RCOR1: variants seen among roughly 807,000 people sequenced by gnomAD.
RCOR1 encodes the protein REST corepressor.
Under a neutral mutation model 64.0 loss-of-function variants are expected in RCOR1, and 12 were observed. That is an observed-to-expected ratio of 0.19 (90% CI 0.12 to 0.30). The LOEUF is 0.30. RCOR1 is among the 10% of genes least tolerant of loss of function. RCOR1 has a pLI of 1.00. For synonymous variants in RCOR1, 279 were observed against 227.2 expected (o/e 1.23, Z -2.05); for missense variants, 502 against 621.2 (o/e 0.81, Z 2.04).
In RCOR1 at chr14:102,726,652, C is replaced by A; in HGVS notation, c.*146C>A. 1.5e-6 allele frequency: 1 copy of A among 662,796 alleles called. No individual in the cohort carries two copies. The highest frequency in any genetic ancestry group is 2.6e-6 in the Non-Finnish European group (1 of 390,748). The allele number at this position is 662,796 out of a possible 1,614,324, so 41.1% of individuals were successfully genotyped here. ...AGGCATATACTTCCAGTCCTGTGCT[C>A]CATCTGCCTTAATTCTTTGCTCGTT... On this transcript the variant is annotated 3_prime_UTR_variant, in exon 12 of 12. Transcript: ENST00000262241.
intron 2 of RCOR1, among the ~76,000 whole-genome samples, chr14:102,600,313 G>T (rs973948936): frequency 6.7e-6 from 1 of 149,068 alleles, no homozygotes; most frequent in Non-Finnish European, 1.5e-5. Context: ...CTGACCTCGT[G>T]ATCCGCCCAC....
intron 5 of RCOR1, 38 bp downstream of exon 5, chr14:102,707,550 C>T (rs1567442602): frequency 6.7e-7 from 1 of 1,503,382 alleles, no homozygotes; most frequent in Non-Finnish European, 9.0e-7. Context: ...TTTTTTTTCT[C>T]CTATCTAACT....
At chr14:102,702,501 A>G (rs1895773138) in intron 4 of RCOR1, among the ~76,000 whole-genome samples, 1 of 150,180 alleles carries the variant, frequency 6.7e-6, no homozygotes, top group African/African-American at 2.4e-5. Flanking sequence ...AATATATATA[A>G]TTTTTAAAAT....
intron 2 of RCOR1, among the ~76,000 whole-genome samples, chr14:102,601,010 T>A (rs1893384388): frequency 6.6e-6 from 1 of 151,342 alleles, no homozygotes; most frequent in Non-Finnish European, 1.5e-5. Flanking sequence ...GCCAACATGA[T>A]GAAACCCCTC....
In RCOR1 at chr14:102,623,320, A is replaced by G. The variant is rs113930883; in HGVS notation, c.361+29995A>G. The stretch of plus-strand genomic sequence containing the variant: ...TTCCTTAGCTTGGTAATTGTGTGCT[A>G]TTTGGAAAAAATACTATTCTCTGAG... On this transcript the variant is annotated intron_variant, in intron 2 of 11. Coordinates refer to ENST00000262241, the MANE Select transcript of RCOR1 (RefSeq NM_015156.4). 5.9e-5 allele frequency among the ~76,000 whole-genome samples: 9 copies of G among 151,996 alleles called. 1 individual carries two copies. Among genetic ancestry groups the G allele is most frequent in the African/African-American group, 2.2e-4 (9 of 41,538 alleles).
At chr14:102,677,197 C>G (rs1895193214) in intron 2 of RCOR1, among the ~76,000 whole-genome samples, 1 of 137,014 alleles carries the variant, frequency 7.3e-6, no homozygotes, top group Non-Finnish European at 1.6e-5. Flanking sequence ...GGGCGGCTGG[C>G]CGGGCAGGGG....
chr14:102,696,808 CTTTTTTTTTT>C (rs71305075), intron 3 of RCOR1, among the ~76,000 whole-genome samples: 795 of 57,470 alleles, frequency 0.014, 18 homozygotes, highest in African/African-American at 0.056. Context: ...ATCTGCTTAT[CTTTTTTTTTT>C]TTTTTTTTTT....
At chr14:102,656,811 T>C (rs1894736387) in intron 2 of RCOR1, among the ~76,000 whole-genome samples, 1 of 151,612 alleles carries the variant, frequency 6.6e-6, no homozygotes, top group Non-Finnish European at 1.5e-5. Context: ...GGTCTCACTC[T>C]GTCGCCCAGG....
intron 2 of RCOR1, chr14:102,655,575 T>C (rs929395162): frequency 5.3e-5 from 40 of 761,256 alleles, no homozygotes; most frequent in Non-Finnish European, 6.2e-5. Context: ...TGAAAGTGTC[T>C]GGCACATAAT....
chr14:102,700,139 C>A (rs566851120), intron 3 of RCOR1, among the ~76,000 whole-genome samples: 2 of 152,146 alleles, frequency 1.3e-5, no homozygotes, highest in Non-Finnish European at 2.9e-5. Context: ...TTTCATATTT[C>A]TTTTTACTGC....
intron 2 of RCOR1, among the ~76,000 whole-genome samples, chr14:102,676,101 T>C (rs958615625): frequency 2.7e-5 from 4 of 150,854 alleles, no homozygotes; most frequent in South Asian, 2.1e-4. Flanking sequence ...AAGTCTCCCA[T>C]GTCTACTTCT....
At chr14:102,714,399 T>G (rs1422882483) in intron 7 of RCOR1, 24 bp from the exon 8 acceptor site, 8 of 1,492,820 alleles carry the variant, frequency 5.4e-6, no homozygotes, top group Non-Finnish European at 7.2e-6. Flanking sequence ...TAAGTTTCAT[T>G]CATCACCTGT....
chr14:102,603,322 A>G (rs1000636419), intron 2 of RCOR1, among the ~76,000 whole-genome samples: 2 of 151,358 alleles, frequency 1.3e-5, no homozygotes, highest in Admixed American at 1.3e-4. Context: ...TTTATTTTTT[A>G]TTTGTTTATA....
chr14:102,619,668 A>T (rs1162214243), intron 2 of RCOR1, among the ~76,000 whole-genome samples: 2 of 150,842 alleles, frequency 1.3e-5, no homozygotes, highest in African/African-American at 4.9e-5. Flanking sequence ...TTTGGTAGAG[A>T]TGGGGTTTCA....
intron 3 of RCOR1, among the ~76,000 whole-genome samples, chr14:102,693,067 A>G (rs1353114764): frequency 1.3e-5 from 2 of 152,092 alleles, no homozygotes; most frequent in African/African-American, 4.8e-5. Context: ...CTCCCAGCCC[A>G]CATCCCATTC....
At chr14:102,641,259 A>C (rs1343695901) in intron 2 of RCOR1, among the ~76,000 whole-genome samples, 1 of 151,928 alleles carries the variant, frequency 6.6e-6, no homozygotes, top group Non-Finnish European at 1.5e-5. Flanking sequence ...GCCTTAAAAA[A>C]AAAGAAAACC....
chr14:102,638,700 C>T (rs1180943321), intron 2 of RCOR1, among the ~76,000 whole-genome samples: 3 of 151,694 alleles, frequency 2.0e-5, no homozygotes, highest in Admixed American at 2.0e-4. Flanking sequence ...CGGAGTCTTG[C>T]TATGTTGTCC....
At chr14:102,619,029 G>A (rs1322444688) in intron 2 of RCOR1, among the ~76,000 whole-genome samples, 1 of 152,162 alleles carries the variant, frequency 6.6e-6, no homozygotes, top group East Asian at 1.9e-4. Flanking sequence ...TGGTAAAGTG[G>A]TGGAAGGTGA....
chr14:102,707,242 A>T, intron 4 of RCOR1, 109 bp from the exon 5 acceptor site: 1 of 862,458 alleles, frequency 1.2e-6, no homozygotes, highest in Non-Finnish European at 1.8e-6. Flanking sequence ...GCTGTAGATG[A>T]GTTAGTTTGT....
Sources: allele counts gnomAD v4.1 joint callset (sites outside exome capture counted in the v4.1 genomes callset), GRCh38; gene constraint gnomAD v4.1.1; transcripts MANE v1.5; gene names NCBI Gene and HGNC (gene_info 2026-07-23, HGNC 2026-07-21).